Variants in THAP9 observed in about 807,000 individuals in gnomAD.
THAP9 encodes THAP domain containing 9, also known as DNA transposase THAP9.
Under a neutral mutation model 35.7 loss-of-function variants are expected in THAP9, and 20 were observed. That is an observed-to-expected ratio of 0.56 (90% CI 0.39 to 0.81). The LOEUF (loss-of-function observed/expected upper bound fraction) is 0.81, where lower values mean the gene tolerates loss of function less well. Ranked by LOEUF, THAP9 falls within the 40% of genes least tolerant of loss-of-function variation. The probability of loss-of-function intolerance (pLI) is 0.00; values close to 1 mark genes in which losing one functional copy is unlikely to be tolerated. For synonymous variants in THAP9, 335 were observed against 373.7 expected, an observed-to-expected ratio of 0.90 and a Z score of 1.19; for missense variants, 870 against 1,047.4, an observed-to-expected ratio of 0.83 and a Z score of 2.34.
chr4:82,913,194 T>C (rs1720923868), intron 4 of THAP9: 2 of 152,214 alleles, frequency 1.3e-5, no homozygotes, highest in South Asian at 2.1e-4. Context: ...CTCTTTCTTA[T>C]AAAAACTTTA....
At chr4:82,903,810 C>T (rs922617427) in intron 1 of THAP9, among the ~76,000 whole-genome samples, 1 of 152,178 alleles carries the variant, frequency 6.6e-6, no homozygotes, top group Non-Finnish European at 1.5e-5. Flanking sequence ...TTCAAAAAGA[C>T]TAACTCAACA....
Position 82,904,908 on chromosome 4 carries a change from G to A in THAP9, c.253G>A (p.Val85Met). 6.2e-7 allele frequency: 1 copy of A among 1,613,954 alleles called. No individual in the cohort carries two copies. Among genetic ancestry groups the A allele is most frequent in the South Asian group, 1.1e-5 (1 of 91,080 alleles). Residue 85 changes from valine (V) to methionine (M), a missense_variant, in exon 2 of 5, where the codon GTG becomes ATG. By Grantham distance (21) the Val-to-Met change is conservative (BLOSUM62 1). Around this residue, in one of 3 missense-constraint regions of THAP9, gnomAD observed 440 missense variants for 501.2 expected, o/e 0.88. Transcript: ENST00000302236. ...AAGAAGAAAGCTGAAAAAAGGAGCT[G>A]TGCCTTCTGTTTCTCTATACAAGGT... ...GIRRKLKKGA[V>M]PSVSLYKIPQ...
At chr4:82,916,131 A>G (rs895287144) in intron 4 of THAP9, among the ~76,000 whole-genome samples, 3 of 152,222 alleles carry the variant, frequency 2.0e-5, no homozygotes, top group African/African-American at 7.2e-5. Context: ...TTTGAGTTAC[A>G]AAAGTATATG....
chr4:82,911,010 G>A (rs1197468971), intron 4 of THAP9, among the ~76,000 whole-genome samples: 4 of 152,176 alleles, frequency 2.6e-5, no homozygotes, highest in African/African-American at 9.7e-5. Context: ...GCAGAGAAGG[G>A]TCTGTAGGTA....
rs1198810594 is a variant in THAP9 at position 82,917,675 on chromosome 4, G to C, written c.1463G>C (p.Ser488Thr). ...ATQLFSESVA[S>T]ALEYLLSLDL... ...CAACTCTTTAGTGAGAGTGTAGCCA[G>C]TGCATTAGAATATTTGTTATCCTTA... The change falls in exon 5 of 5, where the codon AGT (serine) becomes ACT (threonine). Residue 488 changes from serine to threonine, a missense_variant. Physicochemically the swap from Ser to Thr is moderately conservative, Grantham distance 58. Transcript: ENST00000302236. 2 of 1,612,834 alleles carry C rather than the reference G, an allele frequency of 1.2e-6. No individual in the cohort carries two copies. Among genetic ancestry groups the C allele is most frequent in the Non-Finnish European group, 1.7e-6 (2 of 1,179,376 alleles).
In THAP9 at chr4:82,919,026, C is replaced by A. The variant is rs1721149610; in HGVS notation, c.*102C>A. On this transcript the variant is annotated 3_prime_UTR_variant, in exon 5 of 5. Transcript: ENST00000302236. ...TAAATTGCGCATTCTGCACAGTGGA[C>A]AAGTTTGCAATTCTGACTTATTAAA... The A allele has an allele frequency of 1.1e-6, 1 of 935,198 alleles. No homozygotes were observed. Among genetic ancestry groups the A allele is most frequent in the Non-Finnish European group, 1.6e-6 (1 of 640,180 alleles). The allele number at this position is 935,198 out of a possible 1,614,324, so 57.9% of individuals were successfully genotyped here.
chr4:82,906,215 C>T, intron 2 of THAP9, 109 bp from the exon 3 acceptor site: 1 of 902,838 alleles, frequency 1.1e-6, no homozygotes, highest in Non-Finnish European at 1.6e-6. Flanking sequence ...TCTTTCCTAA[C>T]TAACTCTCCA....
At position 82,919,856 on chromosome 4, in the gene THAP9, T is replaced by G. The variant is rs1001849434; in HGVS notation, c.*932T>G. The G allele has an allele frequency of 6.6e-6, 1 of 152,348 alleles. No homozygotes were observed. Among genetic ancestry groups the G allele is most frequent in the East Asian group, 1.9e-4 (1 of 5,186 alleles). 9.4% of individuals were successfully genotyped at this position (152,348 alleles called of 1,614,324 possible). On this transcript the variant is annotated 3_prime_UTR_variant, in exon 5 of 5. Transcript: ENST00000302236. Reference sequence around the variant, plus strand: ...TGTGTTGTAAAACATCTACTCTTTTTTGTCACTGAATAAGTGTTCCCAAAG... The same window carrying G: ...TGTGTTGTAAAACATCTACTCTTTTGTGTCACTGAATAAGTGTTCCCAAAG...
In THAP9 at chr4:82,917,193, G is replaced by C. The variant is rs201472958; in HGVS notation, c.981G>C (p.Val327=). 15 of 1,614,052 alleles carry C rather than the reference G, an allele frequency of 9.3e-6. No homozygotes were observed. Among genetic ancestry groups the C allele is most frequent in the Middle Eastern group, 3.3e-4 (2 of 6,062 alleles). ...LASETVLLMA[V]GIFGHWRTPL... is the part of the protein sequence containing the mutation. ...CAGAAACTGTTTTGTTAATGGCAGTGGGTATTTTTGGCCATTGGAGAACAC... is the reference window on the plus strand; with the variant it reads ...CAGAAACTGTTTTGTTAATGGCAGTCGGTATTTTTGGCCATTGGAGAACAC... Residue 327 remains valine (V), a synonymous_variant, in exon 5 of 5, where the codon GTG becomes GTC. Coordinates refer to ENST00000302236, the MANE Select transcript of THAP9 (RefSeq NM_024672.6).
intron 2 of THAP9, among the ~76,000 whole-genome samples, chr4:82,905,574 T>A (rs1485311995): frequency 1.3e-5 from 2 of 152,146 alleles, no homozygotes; most frequent in East Asian, 3.9e-4. Context: ...TTTATCTCAT[T>A]CCCCTATTCG....
intron 2 of THAP9, 22 bp from the exon 3 acceptor site, chr4:82,906,302 T>C (rs1175353901): frequency 2.0e-6 from 3 of 1,521,420 alleles, no homozygotes; most frequent in African/African-American, 2.8e-5. Context: ...AAAATAACTT[T>C]AATTTTATAT....
chr4:82,907,925 A>C lies in THAP9; in HGVS notation c.721A>C (p.Ile241Leu). ...GATTCTTAAGCTGCCTCATTCTTCC[A>C]TCCTCAGAACGTAAGTGAATTATTT... ...RKILKLPHSSILRTWLSKCQP... is the reference protein window; with the variant it reads ...RKILKLPHSSLLRTWLSKCQP... The change falls in exon 4 of 5, where the codon ATC becomes CTC. Residue 241 changes from isoleucine (I) to leucine (L), a missense_variant. Ile to Leu is a conservative substitution (Grantham distance 5). Transcript: ENST00000302236. The C allele has an allele frequency of 6.2e-7, 1 of 1,609,080 alleles. No individual in the cohort carries two copies. Among genetic ancestry groups the C allele is most frequent in the Non-Finnish European group, 8.5e-7 (1 of 1,178,690 alleles).
chr4:82,907,697 G>C (rs1033876682), intron 3 of THAP9, 88 bp from the exon 4 acceptor site: 13 of 942,782 alleles, frequency 1.4e-5, no homozygotes, highest in African/African-American at 3.4e-5. Flanking sequence ...GAATTCTGAT[G>C]CCCAGTGCAT....
At chr4:82,901,548 G>A (rs1468789851) in intron 1 of THAP9, among the ~76,000 whole-genome samples, 5 of 152,168 alleles carry the variant, frequency 3.3e-5, no homozygotes, top group African/African-American at 9.7e-5. Flanking sequence ...GTTGGAAAGG[G>A]GGGGTAGGAA....
In THAP9 at chr4:82,917,067, T is replaced by C; in HGVS notation, c.855T>C (p.Pro285=). ...GTTCATTGTTAATAAAAAGTATGCC[T>C]CTCAAGCAACAGCTTCAGTGGGATC... is the stretch of plus-strand genomic sequence containing the variant. ...QYCSLLIKSM[P]LKQQLQWDPS... The change falls in exon 5 of 5, where the codon CCT becomes CCC. Residue 285 remains proline (P), a synonymous_variant. Transcript: ENST00000302236. 3 of 1,613,500 alleles carry C rather than the reference T, an allele frequency of 1.9e-6. No individual in the cohort carries two copies. Among genetic ancestry groups the C allele is most frequent in the Non-Finnish European group, 2.5e-6 (3 of 1,179,750 alleles).
At chr4:82,901,686 G>GT (rs1720391143) in intron 1 of THAP9, among the ~76,000 whole-genome samples, 1 of 99,894 alleles carries the variant, frequency 1.0e-5, no homozygotes, top group African/African-American at 3.6e-5. Flanking sequence ...AGTATGTATG[G>GT]TAGGCTATGT....
chr4:82,910,562 T>A, intron 4 of THAP9: 1 of 202,876 alleles, frequency 4.9e-6, no homozygotes, highest in Non-Finnish European at 9.1e-6. Context: ...TAATATAAGA[T>A]TCTTATATTA....
intron 4 of THAP9, among the ~76,000 whole-genome samples, chr4:82,910,438 T>TTA (rs35882389): frequency 6.8e-6 from 1 of 148,082 alleles, no homozygotes; most frequent in Non-Finnish European, 1.5e-5. Context: ...CCAAGTTAAA[T>TTA]AAAAAAAAAA....
At chr4:82,904,058 C>CTTTTTTTTTTTTTTTTTTTTTTTTTT (rs59655406) in intron 1 of THAP9, among the ~76,000 whole-genome samples, 1 of 82,210 alleles carries the variant, frequency 1.2e-5, no homozygotes, top group Non-Finnish European at 2.4e-5. Context: ...TAGGCTCCCC[C>CTTTTTTTTTTTTTTTTTTTTTTTTTT]TTTTTTTTTT....
Sources: gnomAD v4.1 joint callset for allele counts (sites outside exome capture counted in the v4.1 genomes callset) on GRCh38, gnomAD v4.1.1 for gene constraint, gnomAD v4.1.1 regional missense constraint, MANE v1.5 for transcripts, NCBI Gene and HGNC (gene_info 2026-07-23, HGNC 2026-07-21) for gene names.